The following POTEG variants were observed in gnomAD, a reference collection of about 807,000 sequenced individuals.
POTEG encodes the protein ANKRD26-like family C member 2.
A neutral mutation model predicts 49.6 loss-of-function variants in POTEG; 2 were observed. That is an observed-to-expected ratio of 0.04 (90% CI 0.02 to 0.13). The LOEUF is 0.13. Ranked by LOEUF, POTEG falls within the 10% of genes least tolerant of loss-of-function variation. The pLI is 1.00. For missense variants in POTEG, 26 were observed against 545.2 expected (o/e 0.05, Z 9.48); for synonymous variants, 7 against 186.6 (o/e 0.04, Z 7.84).
At position 19,414,585 on chromosome 14, in the gene POTEG, T is replaced by C. The variant is rs541481685; in HGVS notation, c.1219A>G (p.Ile407Val). 1 of 1,594,716 alleles carries C rather than the reference T, an allele frequency of 6.3e-7. No individual in the cohort carries two copies. Among genetic ancestry groups the C allele is most frequent in the Non-Finnish European group, 8.5e-7 (1 of 1,171,236 alleles). ...QPEEMSQEPEINKGGDRKVEE... is the reference protein window; with the variant it reads ...QPEEMSQEPEVNKGGDRKVEE... Reference sequence around the variant, plus strand: ...ACCTTTCTATCACCACCCTTATTTATTTCTGGTTCTTGAGACATTTCCTGC... The same window carrying C: ...ACCTTTCTATCACCACCCTTATTTACTTCTGGTTCTTGAGACATTTCCTGC... Residue 407 changes from isoleucine (I) to valine (V), a missense_variant, in exon 8 of 11, where the codon ATA becomes GTA. By Grantham distance (29) the Ile-to-Val change is conservative. Coordinates refer to ENST00000547848, the MANE Select transcript of POTEG (RefSeq NM_001005356.3).
At chr14:19,430,747 T>TTCTTTAAA (rs879666434) in intron 1 of POTEG, among the ~76,000 whole-genome samples, 3,425 of 124,688 alleles carry the variant, frequency 0.027, 24 homozygotes, top group Admixed American at 0.092. Flanking sequence ...AAAACTCCTG[T>TTCTTTAAA]AGAGTAGGGC....
intron 7 of POTEG, among the ~76,000 whole-genome samples, chr14:19,415,936 C>G (rs1225012108): frequency 6.9e-6 from 1 of 144,768 alleles, no homozygotes; most frequent in African/African-American, 2.5e-5. Flanking sequence ...GCTCCACCCC[C>G]CAGGTTCATG....
intron 7 of POTEG, among the ~76,000 whole-genome samples, chr14:19,415,688 G>A (rs1386088900): frequency 6.6e-6 from 1 of 151,776 alleles, no homozygotes; most frequent in African/African-American, 2.4e-5. Flanking sequence ...AGGCAGATAA[G>A]AATATTTTAA....
chr14:19,426,990 TAAAAA>T, intron 3 of POTEG: 1 of 274,558 alleles, frequency 3.6e-6, no homozygotes, highest in South Asian at 2.7e-5. Flanking sequence ...AGACTCAATC[TAAAAA>T]AAAAAAAAAA....
chr14:19,433,615 G>A (rs1206130223), intron 1 of POTEG, among the ~76,000 whole-genome samples, 154 bp downstream of exon 1: 2 of 142,616 alleles, frequency 1.4e-5, no homozygotes, highest in Admixed American at 7.1e-5. Flanking sequence ...TGCTCATAAA[G>A]GGGCCTGTGC....
intron 1 of POTEG, among the ~76,000 whole-genome samples, chr14:19,432,392 A>G (rs1228010446): frequency 7.6e-5 from 7 of 92,406 alleles, no homozygotes; most frequent in African/African-American, 2.3e-4. Flanking sequence ...ATATATATAT[A>G]TATATATATA....
At chr14:19,432,411 C>CAT (rs1884185755) in intron 1 of POTEG, among the ~76,000 whole-genome samples, 2 of 64,934 alleles carry the variant, frequency 3.1e-5, no homozygotes, top group South Asian at 5.5e-4. Context: ...TATACACACA[C>CAT]ATGTATATAT....
At chr14:19,418,992 A>C (rs1883656007) in intron 6 of POTEG, among the ~76,000 whole-genome samples, 1 of 116,654 alleles carries the variant, frequency 8.6e-6, no homozygotes, top group Non-Finnish European at 1.7e-5. Flanking sequence ...AAATGAAAAA[A>C]GCATAACACC....
chr14:19,433,176 C>T (rs1272510643), intron 1 of POTEG, among the ~76,000 whole-genome samples: 11 of 147,864 alleles, frequency 7.4e-5, no homozygotes, highest in African/African-American at 2.5e-4. Flanking sequence ...ATCTGCCCTC[C>T]TCAGCCTCCC....
At chr14:19,426,320 G>C in intron 3 of POTEG, among the ~76,000 whole-genome samples, 1 of 138,772 alleles carries the variant, frequency 7.2e-6, no homozygotes. Context: ...ATTTCTATCT[G>C]TATTCTTAAT....
chr14:19,432,467 CAT>C (rs1214083524), intron 1 of POTEG, among the ~76,000 whole-genome samples: 6 of 44,148 alleles, frequency 1.4e-4, no homozygotes, highest in East Asian at 7.1e-4. Context: ...TACATATATA[CAT>C]ATATATACAT....
At chr14:19,433,090 A>G (rs1236901860) in intron 1 of POTEG, among the ~76,000 whole-genome samples, 1 of 141,506 alleles carries the variant, frequency 7.1e-6, no homozygotes, top group African/African-American at 2.7e-5. Flanking sequence ...GCGTCCAGCT[A>G]ATTTTTTTTA....
chr14:19,432,434 A>G (rs1405122704), intron 1 of POTEG, among the ~76,000 whole-genome samples: 3 of 42,610 alleles, frequency 7.0e-5, no homozygotes, highest in African/African-American at 2.0e-4. Context: ...GTATATACGT[A>G]TATATATATA....
chr14:19,424,540 T>C (rs1252119621), intron 4 of POTEG: 8 of 163,476 alleles, frequency 4.9e-5, no homozygotes, highest in African/African-American at 3.2e-4. Flanking sequence ...AGCTACTAAT[T>C]TAAAGTCCTT....
Position 19,428,649 on chromosome 14 carries a change from G to T in POTEG, c.703C>A (p.Pro235Thr), listed in dbSNP as rs1566381641. ...LLEHGTDPNIPDEYGNTALHY... is the reference protein window; with the variant it reads ...LLEHGTDPNITDEYGNTALHY... ...AGAGCGGTATTTCCATACTCATCTG[G>T]AATATTCGGATCAGTGCCATGTTCC... Residue 235 changes from proline to threonine, a missense_variant, in exon 3 of 11, where the codon CCA becomes ACA. Transcript: ENST00000547848. 9.2e-6 allele frequency: 12 copies of T among 1,309,422 alleles called. 5 individuals are homozygous for T. Among genetic ancestry groups the T allele is most frequent in the Non-Finnish European group, 1.2e-5 (12 of 979,464 alleles). The allele number at this position is 1,309,422 out of a possible 1,614,324, so 81.1% of individuals were successfully genotyped here. A position where few individuals can be genotyped will look rare whatever the true frequency, so the allele number is the denominator to read the frequency against.
In POTEG at chr14:19,432,769, AC is replaced by A. The variant is rs1819714016; in HGVS notation, c.521+999del. Reference sequence around the variant, plus strand: ...AGTAAACAATTTGTGGAAATAAATAACATGCACATTTTGACATCTGGAAAAG... The same window carrying A: ...AGTAAACAATTTGTGGAAATAAATAAATGCACATTTTGACATCTGGAAAAG... On this transcript the variant is annotated intron_variant, in intron 1 of 10. Coordinates refer to ENST00000547848, the MANE Select transcript of POTEG (RefSeq NM_001005356.3). 3.2e-5 allele frequency among the ~76,000 whole-genome samples: 3 copies of A among 94,178 alleles called. No homozygotes were observed. The South Asian group carries it at 1.2e-3, about 37-fold the overall frequency. The allele number at this position is 94,178 out of a possible 152,430, so 61.8% of individuals were successfully genotyped here. A position where few individuals can be genotyped will look rare whatever the true frequency, so the allele number is the denominator to read the frequency against.
intron 1 of POTEG, among the ~76,000 whole-genome samples, chr14:19,432,403 T>TATATATATATATAC (rs1330765784): frequency 6.7e-5 from 3 of 44,718 alleles, no homozygotes; most frequent in African/African-American, 8.5e-5. Flanking sequence ...TATATATATA[T>TATATATATATATAC]ACACACACAT....
intron 7 of POTEG, among the ~76,000 whole-genome samples, 152 bp from the exon 8 acceptor site, chr14:19,414,758 T>A (rs1287346429): frequency 2.0e-5 from 3 of 147,852 alleles, no homozygotes; most frequent in African/African-American, 4.9e-5. Context: ...CTTAAAAAAA[T>A]AAATAATAAT....
chr14:19,414,316 A>C (rs1883461156), intron 8 of POTEG, among the ~76,000 whole-genome samples: 1 of 145,224 alleles, frequency 6.9e-6, no homozygotes, highest in Non-Finnish European at 1.6e-5. Context: ...CAAAGCTCCT[A>C]AAGTGGCATT....
Sources: allele counts gnomAD v4.1 joint callset (sites outside exome capture counted in the v4.1 genomes callset), GRCh38; gene constraint gnomAD v4.1.1; transcripts MANE v1.5; gene names NCBI Gene and HGNC (gene_info 2026-07-23, HGNC 2026-07-21).